Variants in C8orf34 observed in about 807,000 individuals in gnomAD.
C8orf34 encodes the protein chromosome 8 open reading frame 34.
A neutral mutation model predicts 68.3 loss-of-function variants in C8orf34; 65 were observed. That is an observed-to-expected ratio of 0.95 (90% CI 0.78 to 1.17). The LOEUF is 1.17. Among genes scored for constraint, C8orf34 ranks in the 50% most tolerant of loss-of-function variants. The probability of loss-of-function intolerance (pLI) is 0.00; values close to 1 mark genes in which losing one functional copy is unlikely to be tolerated. For missense variants in C8orf34, 664 were observed against 655.4 expected (o/e 1.01, Z -0.14); for synonymous variants, 244 against 241.2 (o/e 1.01, Z -0.11).
chr8:68,356,724 T>A (rs922945319), intron 1 of C8orf34, among the ~76,000 whole-genome samples: 1 of 152,134 alleles, frequency 6.6e-6, no homozygotes, highest in Non-Finnish European at 1.5e-5. Flanking sequence ...AATAAAAACA[T>A]TTAAAGATAA....
At chr8:68,371,056 C>T (rs1807539049) in intron 1 of C8orf34, among the ~76,000 whole-genome samples, 1 of 151,900 alleles carries the variant, frequency 6.6e-6, no homozygotes, top group Non-Finnish European at 1.5e-5. Context: ...TAATCAGGGC[C>T]CTTGATCAAG....
At chr8:68,747,867 C>T (rs1377513803) in intron 10 of C8orf34, among the ~76,000 whole-genome samples, 1 of 151,986 alleles carries the variant, frequency 6.6e-6, no homozygotes, top group African/African-American at 2.4e-5. Flanking sequence ...ACTTTCTTCA[C>T]AGAATTGGAA....
intron 5 of C8orf34, among the ~76,000 whole-genome samples, chr8:68,518,315 C>T (rs1009914619): frequency 7.2e-5 from 11 of 152,102 alleles, no homozygotes; most frequent in African/African-American, 2.4e-4. Flanking sequence ...TATTTAATTA[C>T]AAAACACACA....
At chr8:68,487,475 G>A (rs1474426639) in intron 4 of C8orf34, among the ~76,000 whole-genome samples, 1 of 152,166 alleles carries the variant, frequency 6.6e-6, no homozygotes, top group Non-Finnish European at 1.5e-5. Context: ...GGTGGGGGAA[G>A]GAACTTGTGA....
At chr8:68,750,104 C>G (rs1340239244) in intron 10 of C8orf34, among the ~76,000 whole-genome samples, 2 of 152,034 alleles carry the variant, frequency 1.3e-5, no homozygotes, top group African/African-American at 2.4e-5. Flanking sequence ...AATAGTCTAC[C>G]AAGTCCACTC....
chr8:68,514,445 C>A lies in C8orf34; in HGVS notation c.766-7354C>A, dbSNP rs189398810. On this transcript the variant is annotated intron_variant, in intron 5 of 13. Transcript: ENST00000518698. ...TGCAAGGCAACCAGGGATCTGTCAA[C>A]GTGTACAGGGCAGCTGCTTGCATCA... Among the ~76,000 whole-genome samples the A allele has an allele frequency of 2.3e-3, 354 of 152,312 alleles. 1 individual carries two copies. The highest frequency in any genetic ancestry group is 4.4e-3 in the Non-Finnish European group (298 of 68,030).
chr8:68,534,653 T>C, intron 7 of C8orf34: 1 of 985,514 alleles, frequency 1.0e-6, no homozygotes, highest in Non-Finnish European at 1.2e-6. Flanking sequence ...GTGGTCATTG[T>C]AGGTTTGCTC....
At chr8:68,456,075 C>A (rs1244514018) in intron 3 of C8orf34, among the ~76,000 whole-genome samples, 1 of 148,948 alleles carries the variant, frequency 6.7e-6, no homozygotes, top group African/African-American at 2.5e-5. Flanking sequence ...GAAACACAGC[C>A]TCTACTAAAA....
chr8:68,705,020 T>C (rs1821123580), intron 8 of C8orf34, among the ~76,000 whole-genome samples: 1 of 152,160 alleles, frequency 6.6e-6, no homozygotes, highest in Non-Finnish European at 1.5e-5. Context: ...ACTATGGTGG[T>C]ACTATAAAGA....
rs1818130094 is a variant in C8orf34 at position 68,614,460 on chromosome 8, T to C, written c.1106-25916T>C. Among the ~76,000 whole-genome samples the C allele has an allele frequency of 2.0e-5, 3 of 152,162 alleles. No individual in the cohort carries two copies. In the South Asian group the frequency reaches 6.2e-4, roughly 31 times the overall value. On this transcript the variant is annotated intron_variant, in intron 7 of 13. Transcript: ENST00000518698. ...AGTCTTTAATCCATCTTGAATTAAT[T>C]TTTGTATAAGGTATAAGGAAGGGAT...
intron 7 of C8orf34, among the ~76,000 whole-genome samples, chr8:68,613,343 G>A (rs1290140667): frequency 7.0e-6 from 1 of 143,656 alleles, no homozygotes; most frequent in African/African-American, 3.0e-5. Context: ...TGCACAATGT[G>A]CAGGTTAGTT....
intron 8 of C8orf34, among the ~76,000 whole-genome samples, chr8:68,668,116 T>C (rs1819896335): frequency 6.6e-6 from 1 of 152,138 alleles, no homozygotes; most frequent in African/African-American, 2.4e-5. Flanking sequence ...AGTATAAATT[T>C]ATATAAAAAT....
intron 13 of C8orf34, among the ~76,000 whole-genome samples, chr8:68,816,185 T>C (rs1028263449): frequency 1.3e-4 from 19 of 151,654 alleles, no homozygotes; most frequent in African/African-American, 4.6e-4. Flanking sequence ...TTTGGAGTTC[T>C]CATTTAGTCT....
chr8:68,401,418 T>C (rs1248002449), intron 1 of C8orf34, among the ~76,000 whole-genome samples: 1 of 152,112 alleles, frequency 6.6e-6, no homozygotes, highest in African/African-American at 2.4e-5. Flanking sequence ...CAATGTTGAA[T>C]AGGAGTGGTC....
intron 8 of C8orf34, among the ~76,000 whole-genome samples, chr8:68,641,227 T>G (rs749608443): frequency 6.6e-6 from 1 of 152,206 alleles, no homozygotes; most frequent in African/African-American, 2.4e-5. Context: ...CTTTTCTTTA[T>G]GTCTAGCTGC....
At chr8:68,593,613 G>A (rs1214686660) in intron 7 of C8orf34, among the ~76,000 whole-genome samples, 1 of 151,388 alleles carries the variant, frequency 6.6e-6, no homozygotes, top group Admixed American at 6.6e-5. Flanking sequence ...TAAATCCTCT[G>A]GTATTTTTAT....
intron 7 of C8orf34, among the ~76,000 whole-genome samples, chr8:68,631,198 G>A (rs927284648): frequency 2.6e-5 from 4 of 151,878 alleles, no homozygotes; most frequent in African/African-American, 9.7e-5. Flanking sequence ...GGAGATGGAG[G>A]TTGCAGTGAG....
intron 12 of C8orf34, among the ~76,000 whole-genome samples, chr8:68,793,721 G>C (rs1323422475): frequency 6.6e-6 from 1 of 152,152 alleles, no homozygotes; most frequent in Non-Finnish European, 1.5e-5. Context: ...CCTATAGGTG[G>C]TGGGATAATC....
chr8:68,591,899 C>T (rs1026519760), intron 7 of C8orf34, among the ~76,000 whole-genome samples: 5 of 152,094 alleles, frequency 3.3e-5, no homozygotes, highest in African/African-American at 9.7e-5. Context: ...TCATGAACTC[C>T]GCTGTCTTTC....
Sources: gnomAD v4.1 joint callset for allele counts (sites outside exome capture counted in the v4.1 genomes callset) on GRCh38, gnomAD v4.1.1 for gene constraint, MANE v1.5 for transcripts, NCBI Gene and HGNC (gene_info 2026-07-23, HGNC 2026-07-21) for gene names.